TCTN1: variants seen among roughly 807,000 people sequenced by gnomAD.
The protein encoded by TCTN1 is tectonic family member 1, also known as tectonic-1.
Under a neutral mutation model 65.8 loss-of-function variants are expected in TCTN1, and 58 were observed. That is an observed-to-expected ratio of 0.88 (90% CI 0.71 to 1.10). TCTN1 has a LOEUF of 1.10. Ranked by LOEUF, TCTN1 falls within the 50% of genes least tolerant of loss-of-function variation. The pLI is 0.00. For synonymous variants in TCTN1, 273 were observed against 289.1 expected, an observed-to-expected ratio of 0.94 and a Z score of 0.57; for missense variants, 645 against 719.4, an observed-to-expected ratio of 0.90 and a Z score of 1.18.
rs937207599 is a variant in TCTN1 at position 110,628,633 on chromosome 12, G to T, written c.473-134G>T. The T allele has an allele frequency of 1.1e-5, 9 of 833,702 alleles. No individual in the cohort carries two copies. The East Asian group carries it at 2.4e-4, about 22-fold the overall frequency. 51.6% of individuals were successfully genotyped at this position (833,702 alleles called of 1,614,324 possible). Reference sequence around the variant, plus strand: ...TGAGATTACAGGCGTGAGCCCATGCGCCCAGCCAAGACACTATTTGTTTTT... The same window carrying T: ...TGAGATTACAGGCGTGAGCCCATGCTCCCAGCCAAGACACTATTTGTTTTT... On this transcript the variant is annotated intron_variant, in intron 3 of 14. Transcript: ENST00000397659.
chr12:110,627,781 T>C (rs992908402), intron 3 of TCTN1: 16 of 501,398 alleles, frequency 3.2e-5, no homozygotes, highest in African/African-American at 1.9e-4. Context: ...AGCTCAAATA[T>C]ATGTCTAGAT....
chr12:110,617,528 C>T (rs923943029), intron 1 of TCTN1, among the ~76,000 whole-genome samples: 8 of 151,674 alleles, frequency 5.3e-5, no homozygotes, highest in Admixed American at 2.0e-4. Context: ...GGTTTTACCA[C>T]GTTGGCCAGG....
intron 2 of TCTN1, among the ~76,000 whole-genome samples, chr12:110,622,624 T>TG (rs940330177): frequency 6.6e-6 from 1 of 150,658 alleles, no homozygotes; most frequent in Non-Finnish European, 1.5e-5. Context: ...TGGACAGAGA[T>TG]GGGGGGATGT....
intron 2 of TCTN1, among the ~76,000 whole-genome samples, chr12:110,624,170 C>T (rs2065657467): frequency 6.6e-6 from 1 of 150,584 alleles, no homozygotes; most frequent in Non-Finnish European, 1.5e-5. Context: ...GATCCTCCTG[C>T]CATGGCCTCC....
intron 1 of TCTN1, among the ~76,000 whole-genome samples, chr12:110,618,528 C>T (rs986089668): frequency 4.6e-5 from 7 of 152,092 alleles, no homozygotes; most frequent in African/African-American, 7.2e-5. Flanking sequence ...CATGAACCAC[C>T]GCGCCCAGCC....
chr12:110,619,994 T>G (rs1266505951), intron 2 of TCTN1, 38 bp downstream of exon 2: 5 of 1,613,972 alleles, frequency 3.1e-6, no homozygotes, highest in Non-Finnish European at 4.2e-6. Flanking sequence ...TTGAAAAAAT[T>G]TGACCAGGAT....
rs903859274 is a variant in TCTN1, at chr12:110,641,163, A to G, written c.1104+14A>G. 11 of 1,614,094 alleles carry G rather than the reference A, an allele frequency of 6.8e-6. No individual in the cohort carries two copies. In the Admixed American group the frequency reaches 1.5e-4, roughly 22 times the overall value. On this transcript the variant is annotated intron_variant, in intron 9 of 14. Coordinates refer to ENST00000397659, the MANE Select transcript of TCTN1 (RefSeq NM_001082538.3). Reference sequence around the variant, plus strand: ...CATTTTCTTCAGGTAAGGTTGATCAATTTGGCATAAGTATTTAATTGCCAA... The same window carrying G: ...CATTTTCTTCAGGTAAGGTTGATCAGTTTGGCATAAGTATTTAATTGCCAA...
chr12:110,617,696 A>G (rs1487058765), intron 1 of TCTN1, among the ~76,000 whole-genome samples: 1 of 149,602 alleles, frequency 6.7e-6, no homozygotes, highest in East Asian at 2.0e-4. Flanking sequence ...GCTGGAGTGC[A>G]GTGGCACGAT....
chr12:110,642,173 A>C, intron 10 of TCTN1, 76 bp from the exon 11 acceptor site: 1 of 1,589,292 alleles, frequency 6.3e-7, no homozygotes, highest in South Asian at 1.1e-5. Context: ...CTCATGTCAC[A>C]CAAGTGACAC....
rs1456445051 is a variant in TCTN1 at position 110,647,746 on chromosome 12, C to T, written c.1636-3C>T. The stretch of plus-strand genomic sequence containing the variant: ...GGGCCTTGCATCTCTCTGTTTATTA[C>T]AGGCCAACTCAGGAAATGAAAGGAC... On this transcript the variant is annotated splice_region_variant and splice_polypyrimidine_tract_variant and intron_variant, in intron 13 of 14. Transcript: ENST00000397659. The T allele has an allele frequency of 4.3e-6, 7 of 1,614,080 alleles. No individual in the cohort carries two copies. The African/African-American group carries it at 8.0e-5, about 18-fold the overall frequency.
At chr12:110,614,465 T>C in intron 1 of TCTN1, 63 bp downstream of exon 1, 1 of 1,552,778 alleles carries the variant, frequency 6.4e-7, no homozygotes, top group South Asian at 1.2e-5. Context: ...ACAGCCCCGG[T>C]GAGGACGTAA....
chr12:110,626,272 A>G (rs1379860108), intron 2 of TCTN1, 90 bp from the exon 3 acceptor site: 3 of 1,384,142 alleles, frequency 2.2e-6, no homozygotes, highest in African/African-American at 1.4e-5. Context: ...AACATAGTAC[A>G]GTACAAGCAT....
chr12:110,628,547 G>C (rs1428365457), intron 3 of TCTN1, among the ~76,000 whole-genome samples: 1 of 151,822 alleles, frequency 6.6e-6, no homozygotes, highest in Non-Finnish European at 1.5e-5. Flanking sequence ...CACCGTGTTG[G>C]CCAGGCTGGT....
intron 3 of TCTN1, chr12:110,628,110 A>T: frequency 6.5e-7 from 1 of 1,536,052 alleles, no homozygotes; most frequent in Non-Finnish European, 8.7e-7. Context: ...GGATTCTTTC[A>T]TTCCCATAGC....
chr12:110,614,266 G>C lies in TCTN1; in HGVS notation c.84G>C (p.Pro28=), dbSNP rs777519512. 6.3e-6 allele frequency: 10 copies of C among 1,595,654 alleles called. No homozygotes were observed. The African/African-American group carries it at 1.2e-4, about 19-fold the overall frequency. The stretch of plus-strand genomic sequence containing the variant: ...TGAGCGCCCAGACCGATGCCACCCC[G>C]GCGGTGACGACAGAGGGCCTCAACT... ...ASVSAQTDAT[P]AVTTEGLNST... Residue 28 remains proline, a synonymous_variant, in exon 1 of 15, where the codon CCG becomes CCC. Transcript: ENST00000397659.
At chr12:110,620,276 C>T (rs1442166390) in intron 2 of TCTN1, among the ~76,000 whole-genome samples, 15 of 151,964 alleles carry the variant, frequency 9.9e-5, no homozygotes, top group Non-Finnish European at 1.2e-4. Context: ...GGCATGTTGG[C>T]GGGCACCTGT....
intron 1 of TCTN1, chr12:110,614,606 G>A (rs2064908391): frequency 1.8e-6 from 2 of 1,111,598 alleles, no homozygotes; most frequent in Admixed American, 4.0e-5. Flanking sequence ...TGAGAAAACC[G>A]GGTCTCAGAG....
intron 3 of TCTN1, among the ~76,000 whole-genome samples, chr12:110,628,531 G>C (rs908450423): frequency 6.6e-6 from 1 of 151,996 alleles, no homozygotes; most frequent in African/African-American, 2.4e-5. Context: ...AGTAGAGACA[G>C]GATTTCACCG....
Position 110,647,785 on chromosome 12 carries a change from A to G in TCTN1, c.1672A>G (p.Thr558Ala), listed in dbSNP as rs768990027. The stretch of plus-strand genomic sequence containing the variant: ...AAATGAAAGGACGATTCTTATTTCC[A>G]CTGCGGTTACTTTTGTGGATGTGTC... The part of the protein sequence containing the change: ...SGNERTILIS[T>A]AVTFVDVSAP... Residue 558 changes from threonine to alanine, a missense_variant, in exon 14 of 15, where the codon ACT becomes GCT. Physicochemically the swap from Thr to Ala is moderately conservative, Grantham distance 58. Transcript: ENST00000397659. 1.9e-6 allele frequency: 3 copies of G among 1,614,216 alleles called. No homozygotes were observed. Among genetic ancestry groups the G allele is most frequent in the Non-Finnish European group, 2.5e-6 (3 of 1,180,042 alleles).
Sources: allele counts gnomAD v4.1 joint callset (sites outside exome capture counted in the v4.1 genomes callset), GRCh38; gene constraint gnomAD v4.1.1; transcripts MANE v1.5; gene names NCBI Gene and HGNC (gene_info 2026-07-23, HGNC 2026-07-21).